Variants in HCRTR2 observed in about 807,000 individuals in gnomAD.
HCRTR2 encodes orexin receptor type 2.
HCRTR2 carries 22 observed loss-of-function variants against 49.0 expected under a neutral mutation model. That is an observed-to-expected ratio of 0.45 (90% CI 0.32 to 0.64). The LOEUF is 0.64. HCRTR2 is among the 30% of genes least tolerant of loss of function. The pLI, the probability that HCRTR2 is intolerant of heterozygous loss-of-function variation, is 0.04. For missense variants in HCRTR2, 491 were observed against 559.4 expected (o/e 0.88, Z 1.23); for synonymous variants, 236 against 205.3 (o/e 1.15, Z -1.28).
chr6:55,248,846 T>C lies in HCRTR2; in HGVS notation c.402+29T>C, dbSNP rs201556898. The stretch of plus-strand genomic sequence containing the variant: ...ATTGTTTTTAATGCTTTTTTGAAGC[T>C]ACTAAAAAGAATGTTCAGCCATAGC... On this transcript the variant is annotated intron_variant, in intron 2 of 6. Coordinates refer to ENST00000370862, the MANE Select transcript of HCRTR2 (RefSeq NM_001384272.1). 2.5e-6 allele frequency: 4 copies of C among 1,588,560 alleles called. No individual in the cohort carries two copies. In the South Asian group the frequency reaches 4.4e-5, roughly 18 times the overall value.
At chr6:55,271,577 T>C (rs944708865) in intron 4 of HCRTR2, among the ~76,000 whole-genome samples, 3 of 152,088 alleles carry the variant, frequency 2.0e-5, no homozygotes, top group Non-Finnish European at 2.9e-5. Context: ...AACTGCACCA[T>C]TAAAAACGTT....
chr6:55,282,545 C>T lies in HCRTR2; in HGVS notation c.*91C>T, dbSNP rs1042485658. 1.4e-6 allele frequency: 1 copy of T among 721,020 alleles called. No homozygotes were observed. The highest frequency in any genetic ancestry group is 2.4e-6 in the Non-Finnish European group (1 of 420,196). The allele number at this position is 721,020 out of a possible 1,614,324, so 44.7% of individuals were successfully genotyped here. A position where few individuals can be genotyped will look rare whatever the true frequency, so the allele number is the denominator to read the frequency against. On this transcript the variant is annotated 3_prime_UTR_variant, in exon 7 of 7. Coordinates refer to ENST00000370862, the MANE Select transcript of HCRTR2 (RefSeq NM_001384272.1). Reference sequence around the variant, plus strand: ...AATTTTATTATCCTATGATGTGAAGCTAAAATTACTTGTGGATCTTTTTTT... The same window carrying T: ...AATTTTATTATCCTATGATGTGAAGTTAAAATTACTTGTGGATCTTTTTTT...
At chr6:55,225,596 A>G (rs1254129837) in intron 1 of HCRTR2, among the ~76,000 whole-genome samples, 2 of 152,258 alleles carry the variant, frequency 1.3e-5, no homozygotes, top group East Asian at 3.9e-4. Context: ...TGCACCCCAC[A>G]CAGTCACTCC....
intron 1 of HCRTR2, among the ~76,000 whole-genome samples, chr6:55,118,211 T>C (rs1055695629): frequency 6.6e-6 from 1 of 151,956 alleles, no homozygotes; most frequent in Non-Finnish European, 1.5e-5. Flanking sequence ...TCCATCCATG[T>C]TCCTATAAAG....
chr6:55,269,144 A>C (rs1163647806), intron 4 of HCRTR2, among the ~76,000 whole-genome samples: 1 of 151,958 alleles, frequency 6.6e-6, no homozygotes, highest in Non-Finnish European at 1.5e-5. Context: ...CAACAAGGAA[A>C]TAAAAGATTT....
At chr6:55,220,348 G>T (rs761485960) in intron 1 of HCRTR2, among the ~76,000 whole-genome samples, 6 of 152,142 alleles carry the variant, frequency 3.9e-5, no homozygotes, top group Non-Finnish European at 7.4e-5. Context: ...GCATTAAAAG[G>T]ATCACACACT....
chr6:55,182,226 CG>C (rs1298157380), intron 1 of HCRTR2, among the ~76,000 whole-genome samples: 1 of 152,162 alleles, frequency 6.6e-6, no homozygotes, highest in Non-Finnish European at 1.5e-5. Flanking sequence ...TTCCAATGAC[CG>C]CCCCCGGGCC....
intron 1 of HCRTR2, among the ~76,000 whole-genome samples, chr6:55,223,622 A>T (rs1397992261): frequency 6.6e-6 from 1 of 151,980 alleles, no homozygotes; most frequent in African/African-American, 2.4e-5. Flanking sequence ...TCTAAATTCA[A>T]CTCTAGATTT....
At chr6:55,116,230 CAGAT>C (rs1340338094) in intron 1 of HCRTR2, among the ~76,000 whole-genome samples, 1 of 151,636 alleles carries the variant, frequency 6.6e-6, no homozygotes, top group African/African-American at 2.4e-5. Flanking sequence ...GCCAGTAAAA[CAGAT>C]AGACTGTATC....
At chr6:55,136,051 A>G (rs778178311) in intron 1 of HCRTR2, among the ~76,000 whole-genome samples, 2 of 152,202 alleles carry the variant, frequency 1.3e-5, no homozygotes, top group Non-Finnish European at 2.9e-5. Context: ...ATTAGTGCCT[A>G]GAAGCTTTGC....
At chr6:55,112,875 A>G (rs1162119021) in intron 1 of HCRTR2, among the ~76,000 whole-genome samples, 1 of 152,022 alleles carries the variant, frequency 6.6e-6, no homozygotes, top group Non-Finnish European at 1.5e-5. Context: ...CTGACTTCAA[A>G]CTATACTACA....
intron 1 of HCRTR2, among the ~76,000 whole-genome samples, chr6:55,205,108 G>C (rs984101281): frequency 6.6e-6 from 1 of 152,062 alleles, no homozygotes; most frequent in Non-Finnish European, 1.5e-5. Context: ...TTTAAGTTTT[G>C]AATGTCTATT....
chr6:55,154,611 G>A (rs2127259467), intron 1 of HCRTR2, among the ~76,000 whole-genome samples: 1 of 151,764 alleles, frequency 6.6e-6, no homozygotes, highest in Middle Eastern at 3.4e-3. Context: ...CAAGAACAAA[G>A]CAAGGATGCC....
intron 1 of HCRTR2, among the ~76,000 whole-genome samples, chr6:55,237,890 G>T (rs957483238): frequency 6.6e-6 from 1 of 152,138 alleles, no homozygotes; most frequent in African/African-American, 2.4e-5. Flanking sequence ...AGGAGTATGT[G>T]GTTGAAACTG....
intron 4 of HCRTR2, among the ~76,000 whole-genome samples, chr6:55,272,633 A>C (rs1042830489): frequency 5.9e-5 from 9 of 151,500 alleles, no homozygotes; most frequent in Non-Finnish European, 1.2e-4. Context: ...TGCTGAAACC[A>C]CAGGGAAGCA....
intron 1 of HCRTR2, among the ~76,000 whole-genome samples, chr6:55,209,376 C>G (rs75144591): frequency 0.018 from 2,723 of 152,206 alleles, 45 homozygotes; most frequent in Middle Eastern, 0.058. Flanking sequence ...GAAAATGAAA[C>G]AAATTCAAGT....
intron 1 of HCRTR2, among the ~76,000 whole-genome samples, chr6:55,168,994 G>A (rs1171524928): frequency 6.6e-6 from 1 of 151,800 alleles, no homozygotes; most frequent in African/African-American, 2.4e-5. Context: ...TCATTCTTCA[G>A]TTCTCAGCTT....
intron 1 of HCRTR2, among the ~76,000 whole-genome samples, chr6:55,125,970 C>T (rs541407604): frequency 2.6e-5 from 4 of 152,090 alleles, no homozygotes; most frequent in Admixed American, 6.6e-5. Flanking sequence ...TCCATCATGT[C>T]GTTTATGTTC....
intron 5 of HCRTR2, among the ~76,000 whole-genome samples, chr6:55,279,810 G>A (rs1767153581): frequency 6.6e-6 from 1 of 151,902 alleles, no homozygotes; most frequent in African/African-American, 2.4e-5. Flanking sequence ...TGCCCATCGA[G>A]AACTGTTTCT....
Sources: allele counts gnomAD v4.1 joint callset (sites outside exome capture counted in the v4.1 genomes callset), GRCh38; gene constraint gnomAD v4.1.1; transcripts MANE v1.5; gene names NCBI Gene and HGNC (gene_info 2026-07-23, HGNC 2026-07-21).